ARPC3: variants seen among roughly 807,000 people sequenced by gnomAD.
ARPC3 encodes actin related protein 2/3 complex subunit 3.
ARPC3 carries 12 observed loss-of-function variants against 27.6 expected under a neutral mutation model. The ratio of observed to expected loss-of-function variants is 0.43; its 90% CI spans 0.28 to 0.70. The LOEUF is 0.70. Among genes scored for constraint, ARPC3 ranks in the 30% least tolerant of loss-of-function variants. The pLI, the probability that ARPC3 is intolerant of heterozygous loss-of-function variation, is 0.17. For missense variants in ARPC3, 153 were observed against 207.7 expected (o/e 0.74, Z 1.62); for synonymous variants, 53 against 67.2 (o/e 0.79, Z 1.03).
intron 3 of ARPC3, among the ~76,000 whole-genome samples, chr12:110,439,372 G>A (rs1297077998): frequency 6.6e-6 from 1 of 152,106 alleles, no homozygotes; most frequent in Admixed American, 6.6e-5. Context: ...CCAGAGAATT[G>A]TAACATTTAT....
In ARPC3 at chr12:110,436,747, C is replaced by T. The variant is rs896912557; in HGVS notation, c.253-64G>A. The T allele has an allele frequency of 1.3e-5, 14 of 1,114,990 alleles. No homozygotes were observed. In the East Asian group the frequency reaches 1.6e-4, roughly 12 times the overall value. 69.1% of individuals were successfully genotyped at this position (1,114,990 alleles called of 1,614,324 possible). On this transcript the variant is annotated intron_variant, in intron 4 of 6. Transcript: ENST00000228825. Reference sequence around the variant, plus strand: ...ACACACACACACACACACACACACACACACACATATTTTACAGGGAAAAGA... The same window carrying T: ...ACACACACACACACACACACACACATACACACATATTTTACAGGGAAAAGA...
rs562174648 is a variant in ARPC3, at chr12:110,449,711, C to T, written c.6+544G>A. Among the ~76,000 whole-genome samples the T allele has an allele frequency of 6.4e-4, 98 of 152,252 alleles. 1 individual carries two copies. In the South Asian group the frequency reaches 0.02, roughly 31 times the overall value. On this transcript the variant is annotated intron_variant, in intron 1 of 6. Transcript: ENST00000228825. ...ACAACCAGGCCGTCATAATTTTTTA[C>T]TCCCACTCTGATGGCACACGAAAAA...
chr12:110,438,381 C>T (rs1219069990), intron 3 of ARPC3, among the ~76,000 whole-genome samples: 2 of 150,944 alleles, frequency 1.3e-5, no homozygotes, highest in African/African-American at 2.4e-5. Flanking sequence ...GGGTGTATCA[C>T]GAGCTCAGGA....
intron 2 of ARPC3, among the ~76,000 whole-genome samples, chr12:110,444,705 T>C (rs898292704): frequency 6.6e-6 from 1 of 152,192 alleles, no homozygotes; most frequent in African/African-American, 2.4e-5. Flanking sequence ...TACTGAGCTT[T>C]CAAATGGTGT....
intron 1 of ARPC3, among the ~76,000 whole-genome samples, chr12:110,447,718 A>G (rs2062473013): frequency 6.6e-6 from 1 of 152,080 alleles, no homozygotes; most frequent in Non-Finnish European, 1.5e-5. Context: ...GGTTGCAGTG[A>G]GCCGAGATGG....
intron 3 of ARPC3, among the ~76,000 whole-genome samples, chr12:110,438,819 T>C (rs2062419955): frequency 1.3e-5 from 2 of 151,116 alleles, no homozygotes; most frequent in African/African-American, 4.9e-5. Context: ...AATTTTGTAT[T>C]TTTAGTAGAG....
chr12:110,436,626 G>A lies in ARPC3; in HGVS notation c.310C>T (p.Pro104Ser), dbSNP rs371891276. Residue 104 changes from proline to serine, a missense_variant, in exon 5 of 7, where the codon CCC (proline) becomes TCC (serine). By Grantham distance (74) the Pro-to-Ser change is moderately conservative. Coordinates refer to ENST00000228825, the MANE Select transcript of ARPC3 (RefSeq NM_001278556.2). ...GGAAAACCAGGCTCTCCAGGAATGG[G>A]AAAATTAGTGATTCCCAGCGTATAC... ...EMYTLGITNF[P>S]IPGEPGFPLN... is the part of the protein sequence containing the mutation. The A allele has an allele frequency of 1.2e-4, 189 of 1,611,296 alleles. 4 individuals are homozygous for A. The South Asian group carries it at 2.0e-3, about 17-fold the overall frequency.
At chr12:110,436,913 T>C (rs138467294) in intron 4 of ARPC3, 171 bp downstream of exon 4, 6 of 684,422 alleles carry the variant, frequency 8.8e-6, no homozygotes, top group Admixed American at 7.3e-5. Context: ...CAGTCAATTA[T>C]ACTACAAGTT....
At chr12:110,446,544 G>A (rs772356624) in intron 1 of ARPC3, among the ~76,000 whole-genome samples, 14 of 150,726 alleles carry the variant, frequency 9.3e-5, no homozygotes, top group Non-Finnish European at 1.6e-4. Context: ...TGATCTGCCC[G>A]CCTTGCCCTC....
chr12:110,444,446 A>G (rs1335100374), intron 2 of ARPC3, among the ~76,000 whole-genome samples: 1 of 151,656 alleles, frequency 6.6e-6, no homozygotes, highest in Non-Finnish European at 1.5e-5. Context: ...CACCATGCCT[A>G]GCTAATTTTT....
chr12:110,436,143 T>C lies in ARPC3; in HGVS notation c.441A>G (p.Lys147=), dbSNP rs757510145. 8 of 1,613,670 alleles carry C rather than the reference T, an allele frequency of 5.0e-6. No individual in the cohort carries two copies. The highest frequency in any genetic ancestry group is 6.8e-6 in the Non-Finnish European group (8 of 1,179,802). The change falls in exon 6 of 7, where the codon AAA becomes AAG. Residue 147 remains lysine, a synonymous_variant. Transcript: ENST00000228825. ...GTTTATCATTCTGAGGGTCGAAAAC[T>C]TTCTCACAAAGTCTCAGTCCAGTCT... is the stretch of plus-strand genomic sequence containing the variant. ...RQETGLRLCE[K]VFDPQNDKPS...
intron 1 of ARPC3, among the ~76,000 whole-genome samples, chr12:110,449,872 G>A (rs1167543077): frequency 6.6e-6 from 1 of 152,200 alleles, no homozygotes; most frequent in Non-Finnish European, 1.5e-5. Context: ...CCGGGGCGGA[G>A]GAGGAAGTGG....
intron 1 of ARPC3, among the ~76,000 whole-genome samples, 198 bp downstream of exon 1, chr12:110,450,057 C>T (rs1216336261): frequency 1.3e-5 from 2 of 152,188 alleles, no homozygotes; most frequent in African/African-American, 2.4e-5. Flanking sequence ...CCACTCCTGC[C>T]GCGCCCCCGC....
At position 110,435,234 on chromosome 12, in the gene ARPC3, A is replaced by C. The variant is rs2062396199; in HGVS notation, c.475-17T>G. ...AGTCCACCACTAACAAGAGAGAACA[A>C]CACAGAATGAACAGCGGGGTCAAAT... On this transcript the variant is annotated splice_polypyrimidine_tract_variant and intron_variant, in intron 6 of 6. Transcript: ENST00000228825. 6.3e-7 allele frequency: 1 copy of C among 1,597,228 alleles called. No homozygotes were observed. Among genetic ancestry groups the C allele is most frequent in the South Asian group, 1.1e-5 (1 of 90,748 alleles).
chr12:110,442,141 T>C (rs1168934673), intron 2 of ARPC3, among the ~76,000 whole-genome samples: 5 of 151,982 alleles, frequency 3.3e-5, no homozygotes, highest in African/African-American at 1.2e-4. Flanking sequence ...TAGCTAGGAT[T>C]ACAGGCATAA....
intron 1 of ARPC3, among the ~76,000 whole-genome samples, chr12:110,447,261 A>T (rs539860367): frequency 2.6e-5 from 4 of 152,246 alleles, no homozygotes; most frequent in South Asian, 2.1e-4. Context: ...AGGAAGGGAT[A>T]AAAAAAATCA....
chr12:110,447,335 T>C (rs2062470437), intron 1 of ARPC3, among the ~76,000 whole-genome samples: 1 of 152,240 alleles, frequency 6.6e-6, no homozygotes, highest in Non-Finnish European at 1.5e-5. Context: ...TCTGGCTTTT[T>C]ATAAGTCAAC....
At chr12:110,447,888 T>C (rs1220029994) in intron 1 of ARPC3, among the ~76,000 whole-genome samples, 5 of 128,608 alleles carry the variant, frequency 3.9e-5, no homozygotes, top group East Asian at 2.2e-4. Flanking sequence ...TTAGAGTCCT[T>C]TTTTTTTTTT....
rs140606170 is a variant in ARPC3, at chr12:110,444,781, A to C, written c.106+671T>G. 6.9e-3 allele frequency: 1,045 copies of C among 152,472 alleles called. 1 individual carries two copies. Among genetic ancestry groups the C allele is most frequent in the Non-Finnish European group, 9.4e-3 (641 of 68,204 alleles). The allele number at this position is 152,472 out of a possible 1,614,324, so 9.4% of individuals were successfully genotyped here. On this transcript the variant is annotated intron_variant, in intron 2 of 6. Coordinates refer to ENST00000228825, the MANE Select transcript of ARPC3 (RefSeq NM_001278556.2). ...TCTGGCAGAGAAATGGGGACTGGAT[A>C]AGTACCAAATTGGTAATTATAATAA... is the stretch of plus-strand genomic sequence containing the variant.
Sources: gnomAD v4.1 joint callset for allele counts (sites outside exome capture counted in the v4.1 genomes callset) on GRCh38, gnomAD v4.1.1 for gene constraint, MANE v1.5 for transcripts, NCBI Gene and HGNC (gene_info 2026-07-23, HGNC 2026-07-21) for gene names.